PIGN: variants seen among roughly 807,000 people sequenced by gnomAD.
PIGN encodes GPI ethanolamine phosphate transferase 1.
A neutral mutation model predicts 125.4 loss-of-function variants in PIGN; 117 were observed. The observed-to-expected ratio is 0.93, with a 90% CI of 0.80 to 1.09. The LOEUF is 1.09. Ranked by LOEUF, PIGN falls within the 50% of genes least tolerant of loss-of-function variation. The pLI is 0.00. For synonymous variants in PIGN, 392 were observed against 377.8 expected, an observed-to-expected ratio of 1.04 and a Z score of -0.44; for missense variants, 1,075 against 1,094.9, an observed-to-expected ratio of 0.98 and a Z score of 0.26.
intron 23 of PIGN, among the ~76,000 whole-genome samples, chr18:62,019,834 A>G (rs1008233917): frequency 6.6e-6 from 1 of 152,260 alleles, no homozygotes; most frequent in Non-Finnish European, 1.5e-5. Flanking sequence ...AAGGAGGCAC[A>G]AGACTGTGGT....
chr18:62,155,791 A>AT (rs2036709830), intron 6 of PIGN, among the ~76,000 whole-genome samples: 1 of 151,820 alleles, frequency 6.6e-6, no homozygotes, highest in African/African-American at 2.4e-5. Context: ...AGAAATAGGA[A>AT]TGTTAGTTTG....
At chr18:62,159,080 C>T (rs1238581156) in intron 4 of PIGN, among the ~76,000 whole-genome samples, 1 of 152,134 alleles carries the variant, frequency 6.6e-6, no homozygotes, top group Admixed American at 6.6e-5. Context: ...CCCGTCTCTA[C>T]CAAAGGTACA....
chr18:62,167,626 C>T (rs1166034463), intron 1 of PIGN, among the ~76,000 whole-genome samples: 2 of 118,544 alleles, frequency 1.7e-5, no homozygotes, highest in Non-Finnish European at 3.5e-5. Context: ...AGTGAAACTC[C>T]GTCTCAAAAA....
At chr18:62,145,185 A>G (rs997067261) in intron 10 of PIGN, among the ~76,000 whole-genome samples, 4 of 152,186 alleles carry the variant, frequency 2.6e-5, no homozygotes, top group Non-Finnish European at 4.4e-5. Flanking sequence ...GATATGTAGT[A>G]GATGAAAAAA....
chr18:62,103,688 A>G (rs769889521), intron 20 of PIGN: 2 of 152,268 alleles, frequency 1.3e-5, no homozygotes, highest in Non-Finnish European at 2.9e-5. Context: ...TTGAAGAGAA[A>G]AAAGAAAGAG....
intron 23 of PIGN, among the ~76,000 whole-genome samples, chr18:62,032,163 G>T (rs960394194): frequency 5.9e-5 from 9 of 152,120 alleles, no homozygotes; most frequent in African/African-American, 2.2e-4. Flanking sequence ...TATCTGCAGC[G>T]ACTCCTTTTT....
At position 62,148,253 on chromosome 18, in the gene PIGN, C is replaced by A; in HGVS notation, c.635G>T (p.Gly212Val). ...EKIVFFLHLL[G>V]IDTNGHAHRP... Reference sequence around the variant, plus strand: ...ATGAGCATGTCCGTTTGTATCTATTCCTAATAAATGTAAGAAAAAAACTAT... The same window carrying A: ...ATGAGCATGTCCGTTTGTATCTATTACTAATAAATGTAAGAAAAAAACTAT... Residue 212 changes from glycine to valine, a missense_variant, in exon 8 of 31, where the codon GGA becomes GTA. By Grantham distance (109) the Gly-to-Val change is moderately radical. Transcript: ENST00000640252. 1.3e-6 allele frequency: 2 copies of A among 1,540,322 alleles called. No individual in the cohort carries two copies. The highest frequency in any genetic ancestry group is 2.5e-5 in the South Asian group (2 of 81,186).
rs1568107083 is a variant in PIGN at position 62,041,643 on chromosome 18, GTGT to G, written c.*4210_*4212del. The G allele has an allele frequency of 0.03, 1,781 of 59,018 alleles. 45 individuals carry two copies. The highest frequency in any genetic ancestry group is 0.04 in the Non-Finnish European group (1,210 of 29,992). The allele number at this position is 59,018 out of a possible 1,614,324, so 3.7% of individuals were successfully genotyped here. ...ACAGGAGCCTACCACCCCGCCGGGT[GTGT>G]GTGTGTGTGTGTGTGTGTGTGTGTG... On this transcript the variant is annotated 3_prime_UTR_variant, in exon 31 of 31. Coordinates refer to ENST00000640252, the MANE Select transcript of PIGN (RefSeq NM_176787.5).
At chr18:62,152,276 G>T (rs1490243069) in intron 7 of PIGN, among the ~76,000 whole-genome samples, 1 of 151,950 alleles carries the variant, frequency 6.6e-6, no homozygotes, top group African/African-American at 2.4e-5. Flanking sequence ...AGAGAGAATA[G>T]GTTGTAAAAT....
rs1220665295 is a variant in PIGN at position 62,105,416 on chromosome 18, G to A, written c.1859+127C>T. 3 of 615,772 alleles carry A rather than the reference G, an allele frequency of 4.9e-6. No individual in the cohort carries two copies. The East Asian group carries it at 8.8e-5, about 18-fold the overall frequency. The allele number at this position is 615,772 out of a possible 1,614,324, so 38.1% of individuals were successfully genotyped here. On this transcript the variant is annotated intron_variant, in intron 20 of 30. Transcript: ENST00000640252. Reference sequence around the variant, plus strand: ...AATCATGACTAATGGTTTGATATTGGTATTTTAAATTCCCGTTAGTTCACA... The same window carrying A: ...AATCATGACTAATGGTTTGATATTGATATTTTAAATTCCCGTTAGTTCACA...
chr18:62,052,166 A>C (rs2031354985), intron 30 of PIGN: 1 of 151,802 alleles, frequency 6.6e-6, no homozygotes, highest in Admixed American at 6.6e-5. Context: ...TGCTGAAAAA[A>C]ATGTATATTC....
At chr18:62,032,216 G>A (rs914685775) in intron 23 of PIGN, among the ~76,000 whole-genome samples, 1 of 152,170 alleles carries the variant, frequency 6.6e-6, no homozygotes, top group Non-Finnish European at 1.5e-5. Flanking sequence ...GCTAGGATGT[G>A]GAGAGATCTT....
intron 1 of PIGN, among the ~76,000 whole-genome samples, chr18:62,169,633 T>C (rs1273272253): frequency 3.9e-5 from 6 of 151,994 alleles, no homozygotes; most frequent in Admixed American, 6.6e-5. Context: ...CTTTTTTTTT[T>C]CCCTTGAGAC....
At chr18:62,172,361 T>G (rs992331192) in intron 1 of PIGN, among the ~76,000 whole-genome samples, 2 of 152,146 alleles carry the variant, frequency 1.3e-5, no homozygotes, top group Non-Finnish European at 2.9e-5. Context: ...TTTCAAGTAC[T>G]TAATTCCTTT....
chr18:62,079,807 T>G (rs2145862022), intron 28 of PIGN, among the ~76,000 whole-genome samples: 1 of 151,288 alleles, frequency 6.6e-6, no homozygotes, highest in Admixed American at 6.6e-5. Context: ...TTAATAAAAA[T>G]AATTTTAATA....
At chr18:62,111,344 A>T (rs2034871953) in intron 16 of PIGN, among the ~76,000 whole-genome samples, 1 of 152,104 alleles carries the variant, frequency 6.6e-6, no homozygotes, top group African/African-American at 2.4e-5. Flanking sequence ...ACATCTTCCC[A>T]AATCTGCCTC....
intron 4 of PIGN, among the ~76,000 whole-genome samples, chr18:62,158,225 G>A (rs931380696): frequency 2.0e-5 from 3 of 152,126 alleles, no homozygotes; most frequent in Non-Finnish European, 2.9e-5. Flanking sequence ...TCTTGCTTTC[G>A]AATTGTTAAG....
chr18:62,061,164 G>A (rs956815872), intron 30 of PIGN, among the ~76,000 whole-genome samples: 1 of 152,132 alleles, frequency 6.6e-6, no homozygotes, highest in African/African-American at 2.4e-5. Flanking sequence ...GAAACACAGA[G>A]TACTATGCCT....
In PIGN at chr18:62,109,950, A is replaced by G. The variant is rs1027303304; in HGVS notation, c.1458T>C (p.Cys486=). The G allele has an allele frequency of 6.2e-7, 1 of 1,613,318 alleles. No individual in the cohort carries two copies. Among genetic ancestry groups the G allele is most frequent in the Non-Finnish European group, 8.5e-7 (1 of 1,179,526 alleles). ...CTAAAATGCCAATAGCTACAAAACT[A>G]CAAGGCAGGAGATGGCTTGGTTTCT... ...EVKKPSHLLP[C]SFVAIGILVA... Residue 486 remains cysteine, a synonymous_variant, in exon 17 of 31, where the codon TGT becomes TGC. Transcript: ENST00000640252.
Sources: allele counts gnomAD v4.1 joint callset (sites outside exome capture counted in the v4.1 genomes callset), GRCh38; gene constraint gnomAD v4.1.1; transcripts MANE v1.5; gene names NCBI Gene and HGNC (gene_info 2026-07-23, HGNC 2026-07-21).